CPQ: variants seen among roughly 807,000 people sequenced by gnomAD.
CPQ encodes the protein carboxypeptidase Q.
In CPQ, 37 loss-of-function variants were observed where a neutral mutation model predicts 45.7. The ratio of observed to expected loss-of-function variants is 0.81; its 90% CI spans 0.62 to 1.07. The LOEUF (loss-of-function observed/expected upper bound fraction) is 1.07, where lower values mean the gene tolerates loss of function less well. Ranked by LOEUF, CPQ falls within the 50% of genes least tolerant of loss-of-function variation. CPQ has a pLI of 0.00. For missense variants in CPQ, 537 were observed against 572.9 expected (o/e 0.94, Z 0.64); for synonymous variants, 186 against 205.8 (o/e 0.90, Z 0.82).
chr8:97,043,334 G>T (rs1235917133), intron 6 of CPQ, among the ~76,000 whole-genome samples: 11 of 150,640 alleles, frequency 7.3e-5, no homozygotes, highest in Non-Finnish European at 1.3e-4. Flanking sequence ...TTTTCCATTT[G>T]CTTGGTAGAT....
At chr8:96,903,803 G>A (rs1179102526) in intron 4 of CPQ, among the ~76,000 whole-genome samples, 1 of 152,158 alleles carries the variant, frequency 6.6e-6, no homozygotes, top group Non-Finnish European at 1.5e-5. Context: ...ATCAAAGGAA[G>A]TTATCTAGAG....
At chr8:96,831,627 AT>A (rs1176814327) in intron 2 of CPQ, among the ~76,000 whole-genome samples, 5 of 152,126 alleles carry the variant, frequency 3.3e-5, no homozygotes, top group African/African-American at 4.8e-5. Context: ...ATTTTATTCC[AT>A]TTGAGCAAAA....
chr8:96,801,973 A>G (rs1195057049), intron 2 of CPQ, among the ~76,000 whole-genome samples: 2 of 152,070 alleles, frequency 1.3e-5, no homozygotes, highest in Non-Finnish European at 2.9e-5. Context: ...GTAAATTTAG[A>G]TATTTCTTCT....
chr8:96,796,670 T>C (rs1432457937), intron 2 of CPQ, among the ~76,000 whole-genome samples: 7 of 152,176 alleles, frequency 4.6e-5, no homozygotes, highest in Admixed American at 4.6e-4. Flanking sequence ...TATTCGAAGA[T>C]TGGTGAATGC....
At chr8:96,751,503 ATTTG>A (rs1330230443) in intron 1 of CPQ, among the ~76,000 whole-genome samples, 6 of 151,984 alleles carry the variant, frequency 3.9e-5, no homozygotes, top group Non-Finnish European at 5.9e-5. Flanking sequence ...TTTCTTGTAA[ATTTG>A]TTTAAGTTCT....
At chr8:97,046,827 G>A (rs1379059016) in intron 6 of CPQ, among the ~76,000 whole-genome samples, 1 of 152,176 alleles carries the variant, frequency 6.6e-6, no homozygotes, top group East Asian at 1.9e-4. Context: ...AACTCACAGA[G>A]CCAAATGAGA....
At chr8:96,727,742 A>G (rs1383341944) in intron 1 of CPQ, among the ~76,000 whole-genome samples, 1 of 152,074 alleles carries the variant, frequency 6.6e-6, no homozygotes, top group Admixed American at 6.5e-5. Flanking sequence ...GTGACTCAGG[A>G]TTCCAGGATT....
At chr8:96,660,307 C>T (rs1033790261) in intron 1 of CPQ, among the ~76,000 whole-genome samples, 1 of 152,198 alleles carries the variant, frequency 6.6e-6, no homozygotes, top group African/African-American at 2.4e-5. Flanking sequence ...TGATATCGCT[C>T]TGTGTATTCC....
chr8:96,863,559 T>G (rs1811959706), intron 3 of CPQ, among the ~76,000 whole-genome samples: 1 of 152,022 alleles, frequency 6.6e-6, no homozygotes, highest in African/African-American at 2.4e-5. Context: ...TTAATGAGCT[T>G]ATTTCTTTTG....
intron 3 of CPQ, among the ~76,000 whole-genome samples, chr8:96,874,137 A>G (rs949247514): frequency 6.6e-6 from 1 of 151,784 alleles, no homozygotes; most frequent in African/African-American, 2.4e-5. Context: ...TGTTCATTTT[A>G]TATTTTGGGT....
In CPQ at chr8:97,033,657, C is replaced by T. The variant is rs533872846; in HGVS notation, c.1053+4163C>T. Among the ~76,000 whole-genome samples the T allele has an allele frequency of 5.8e-3, 872 of 150,372 alleles. 5 individuals are homozygous for T. Among genetic ancestry groups the T allele is most frequent in the Non-Finnish European group, 9.3e-3 (633 of 67,714 alleles). On this transcript the variant is annotated intron_variant, in intron 6 of 7. Transcript: ENST00000220763. ...TTTTTTTGCATTCTTATCTGGCAGT[C>T]TTTAATAATAAAGTTGGCTAAACCT...
At chr8:97,096,009 A>T (rs1811205096) in intron 7 of CPQ, among the ~76,000 whole-genome samples, 1 of 152,222 alleles carries the variant, frequency 6.6e-6, no homozygotes, top group Non-Finnish European at 1.5e-5. Context: ...GTTTAAAATA[A>T]CAAAGACCAT....
chr8:96,911,123 G>A (rs774874816), intron 4 of CPQ, among the ~76,000 whole-genome samples: 24 of 152,208 alleles, frequency 1.6e-4, no homozygotes, highest in Non-Finnish European at 2.8e-4. Flanking sequence ...AGCGATCCAC[G>A]TGCTTTTTAC....
chr8:96,665,808 C>T (rs1477854045), intron 1 of CPQ, among the ~76,000 whole-genome samples: 1 of 152,030 alleles, frequency 6.6e-6, no homozygotes, highest in Non-Finnish European at 1.5e-5. Flanking sequence ...CAAATGGGTA[C>T]CTCCAGGTTC....
chr8:96,780,641 C>T (rs1039417716), intron 1 of CPQ, among the ~76,000 whole-genome samples: 8 of 151,818 alleles, frequency 5.3e-5, no homozygotes, highest in Admixed American at 1.3e-4. Flanking sequence ...GAATATTTTA[C>T]ACTTACAAAA....
intron 1 of CPQ, among the ~76,000 whole-genome samples, chr8:96,747,290 C>CG (rs1010315033): frequency 4.1e-5 from 4 of 96,830 alleles, no homozygotes; most frequent in Admixed American, 2.1e-4. Context: ...ATCTTTGTCT[C>CG]AAAAAAAAAA....
At chr8:96,764,464 G>A (rs2130794096) in intron 1 of CPQ, among the ~76,000 whole-genome samples, 1 of 152,248 alleles carries the variant, frequency 6.6e-6, no homozygotes. Flanking sequence ...ATTCAGTTAA[G>A]GAACACATGT....
intron 1 of CPQ, among the ~76,000 whole-genome samples, chr8:96,703,262 G>A (rs1406359849): frequency 1.3e-5 from 2 of 152,054 alleles, no homozygotes; most frequent in Non-Finnish European, 2.9e-5. Context: ...TAATAAATAT[G>A]TCTTGCCACC....
At chr8:96,907,788 T>G (rs924414699) in intron 4 of CPQ, among the ~76,000 whole-genome samples, 3 of 152,124 alleles carry the variant, frequency 2.0e-5, no homozygotes, top group Admixed American at 2.0e-4. Flanking sequence ...TCCTGTATCC[T>G]GTACAGGTCA....
Sources: gnomAD v4.1 joint callset for allele counts (sites outside exome capture counted in the v4.1 genomes callset) on GRCh38, gnomAD v4.1.1 for gene constraint, MANE v1.5 for transcripts, NCBI Gene and HGNC (gene_info 2026-07-23, HGNC 2026-07-21) for gene names.